The following GALNTL6 variants were observed in gnomAD, a reference collection of about 807,000 sequenced individuals.
GALNTL6 encodes the protein polypeptide N-acetylgalactosaminyltransferase like 6, also known as polypeptide N-acetylgalactosaminyltransferase-like 6.
A neutral mutation model predicts 73.7 loss-of-function variants in GALNTL6; 46 were observed. That is an observed-to-expected ratio of 0.62 (90% CI 0.49 to 0.80). The LOEUF is 0.80. GALNTL6 is among the 30% of genes least tolerant of loss of function. GALNTL6 has a pLI of 0.00. For synonymous variants in GALNTL6, 259 were observed against 263.7 expected (o/e 0.98, Z 0.17); for missense variants, 604 against 755.0 (o/e 0.80, Z 2.34).
intron 10 of GALNTL6, among the ~76,000 whole-genome samples, chr4:172,961,826 T>C (rs1039856650): frequency 1.3e-5 from 2 of 152,172 alleles, no homozygotes; most frequent in African/African-American, 4.8e-5. Flanking sequence ...ATCTTTCTCA[T>C]GGAACAAAGA....
chr4:171,940,685 T>C lies in GALNTL6; in HGVS notation c.138+125967T>C, dbSNP rs148531273. ...AAAAAACTACAAAAATTAGCTGGGC[T>C]TTGTGGCATGCATCTATAATCCAAG... is the stretch of plus-strand genomic sequence containing the variant. On this transcript the variant is annotated intron_variant, in intron 2 of 12. Coordinates refer to ENST00000506823, the MANE Select transcript of GALNTL6 (RefSeq NM_001034845.3). Among the ~76,000 whole-genome samples the C allele has an allele frequency of 1.0e-3, 154 of 151,922 alleles. 1 individual carries two copies. The Middle Eastern group carries it at 0.017, about 17-fold the overall frequency.
chr4:172,287,449 G>C (rs868076398), intron 3 of GALNTL6, among the ~76,000 whole-genome samples: 1 of 152,138 alleles, frequency 6.6e-6, no homozygotes. Context: ...CTACAAAATA[G>C]ACACTGTTTT....
chr4:172,883,686 A>G (rs954035767), intron 8 of GALNTL6, among the ~76,000 whole-genome samples: 2 of 152,140 alleles, frequency 1.3e-5, no homozygotes, highest in African/African-American at 2.4e-5. Context: ...ACAAACAACC[A>G]AATTATATCA....
intron 2 of GALNTL6, among the ~76,000 whole-genome samples, chr4:171,944,309 T>C (rs1738638598): frequency 6.6e-6 from 1 of 152,046 alleles, no homozygotes; most frequent in East Asian, 1.9e-4. Flanking sequence ...AAGAAGTTTA[T>C]TCCATAAAAA....
intron 5 of GALNTL6, among the ~76,000 whole-genome samples, chr4:172,703,904 A>T (rs2111299978): frequency 6.6e-6 from 1 of 151,868 alleles, no homozygotes; most frequent in Middle Eastern, 3.4e-3. Flanking sequence ...TGTTCTGTAT[A>T]CTCATGGTTC....
At chr4:172,065,693 A>G (rs1021439807) in intron 2 of GALNTL6, among the ~76,000 whole-genome samples, 1 of 152,126 alleles carries the variant, frequency 6.6e-6, no homozygotes, top group Non-Finnish European at 1.5e-5. Flanking sequence ...TCACGCTGCT[A>G]TGAAGAAATA....
At chr4:171,862,126 G>C (rs1455179145) in intron 2 of GALNTL6, among the ~76,000 whole-genome samples, 2 of 152,074 alleles carry the variant, frequency 1.3e-5, no homozygotes, top group Admixed American at 1.3e-4. Flanking sequence ...TTTTTCCATT[G>C]CAATTCACAA....
chr4:171,950,226 A>G (rs1234353462), intron 2 of GALNTL6, among the ~76,000 whole-genome samples: 1 of 152,252 alleles, frequency 6.6e-6, no homozygotes, highest in Non-Finnish European at 1.5e-5. Context: ...TAAATTCAAG[A>G]TAAAGGCATT....
intron 5 of GALNTL6, among the ~76,000 whole-genome samples, chr4:172,353,456 C>T (rs989359334): frequency 6.6e-6 from 1 of 152,062 alleles, no homozygotes; most frequent in East Asian, 1.9e-4. Context: ...TAAAGGACAT[C>T]GACAATATTT....
intron 5 of GALNTL6, among the ~76,000 whole-genome samples, chr4:172,437,064 G>A (rs1050131447): frequency 3.9e-5 from 6 of 152,072 alleles, no homozygotes; most frequent in Non-Finnish European, 2.9e-5. Context: ...CACAAATCAA[G>A]ATGTAGAGCA....
chr4:172,417,994 T>C (rs1471792676), intron 5 of GALNTL6, among the ~76,000 whole-genome samples: 2 of 152,176 alleles, frequency 1.3e-5, no homozygotes, highest in Non-Finnish European at 2.9e-5. Context: ...CTTTCAGATG[T>C]AGTCAGCAGC....
intron 3 of GALNTL6, among the ~76,000 whole-genome samples, chr4:172,308,840 T>A (rs907085892): frequency 3.9e-5 from 6 of 152,188 alleles, no homozygotes; most frequent in Admixed American, 1.3e-4. Flanking sequence ...CATTAGTCTC[T>A]CTTTTATTTA....
chr4:172,055,001 A>T (rs912274326), intron 2 of GALNTL6, among the ~76,000 whole-genome samples: 1 of 152,152 alleles, frequency 6.6e-6, no homozygotes, highest in African/African-American at 2.4e-5. Flanking sequence ...GCCAAACCTT[A>T]GTATTCAGCT....
chr4:172,515,867 G>A (rs28726202), intron 5 of GALNTL6, among the ~76,000 whole-genome samples: 101,942 of 152,024 alleles, frequency 0.67, 34,366 homozygotes, highest in South Asian at 0.82. Context: ...ATTCATTGCA[G>A]TTAGACTCAA....
intron 2 of GALNTL6, among the ~76,000 whole-genome samples, chr4:172,220,779 A>T (rs184907043): frequency 6.6e-6 from 1 of 151,832 alleles, no homozygotes; most frequent in Non-Finnish European, 1.5e-5. Context: ...ATTTAAAATC[A>T]TCACTTCAGA....
At chr4:172,323,693 TAGG>T (rs918004791) in intron 4 of GALNTL6, among the ~76,000 whole-genome samples, 71 of 152,264 alleles carry the variant, frequency 4.7e-4, no homozygotes, top group African/African-American at 1.6e-3. Context: ...TAATTATTTT[TAGG>T]AGATCTGGAT....
At chr4:172,001,733 T>A (rs1505489) in intron 2 of GALNTL6, among the ~76,000 whole-genome samples, 103,189 of 151,948 alleles carry the variant, frequency 0.68, 37,437 homozygotes, top group Non-Finnish European at 0.8. Context: ...TCTCTAGGGG[T>A]TCTTCTTACT....
intron 2 of GALNTL6, among the ~76,000 whole-genome samples, chr4:172,139,165 T>C (rs1411208058): frequency 6.6e-6 from 1 of 152,122 alleles, no homozygotes; most frequent in Non-Finnish European, 1.5e-5. Flanking sequence ...GAAAAGTATA[T>C]AAGTTTGGAA....
chr4:172,902,880 G>C (rs116109665), intron 8 of GALNTL6, among the ~76,000 whole-genome samples: 1 of 152,298 alleles, frequency 6.6e-6, no homozygotes, highest in Non-Finnish European at 1.5e-5. Flanking sequence ...CTAAGCTCCT[G>C]AGATTCAAAG....
Sources: gnomAD v4.1 joint callset for allele counts (sites outside exome capture counted in the v4.1 genomes callset) on GRCh38, gnomAD v4.1.1 for gene constraint, MANE v1.5 for transcripts, NCBI Gene and HGNC (gene_info 2026-07-23, HGNC 2026-07-21) for gene names.